GRIK4: variants seen among roughly 807,000 people sequenced by gnomAD.
GRIK4 encodes the protein glutamate ionotropic receptor kainate type subunit 4, also known as glutamate receptor ionotropic, kainate 4.
In GRIK4, 40 loss-of-function variants were observed where a neutral mutation model predicts 104.9. The ratio of observed to expected loss-of-function variants is 0.38; its 90% confidence interval spans 0.30 to 0.50. The LOEUF (loss-of-function observed/expected upper bound fraction) is 0.50. Ranked by LOEUF, GRIK4 falls within the 20% of genes least tolerant of loss-of-function variation. The pLI is 0.93. For synonymous variants in GRIK4, 485 were observed against 524.9 expected, an observed-to-expected ratio of 0.92 and a Z score of 1.04; for missense variants, 1,047 against 1,308.1, an observed-to-expected ratio of 0.80 and a Z score of 3.08.
rs1294622462 is a variant in GRIK4, at chr11:120,926,425, T to TA, written c.1477-13920dup. On this transcript the variant is annotated intron_variant, in intron 13 of 20. Transcript: ENST00000527524. ...ATTCCCTATGTTTCAGGCACTGTTC[T>TA]AAGTGCTTTTTGTGTATTCATTAAT... is the stretch of plus-strand genomic sequence containing the variant. Among the ~76,000 whole-genome samples, 11 of 152,218 alleles carry TA rather than the reference T, an allele frequency of 7.2e-5. No homozygotes were observed. In the East Asian group the frequency reaches 1.9e-3, roughly 27 times the overall value.
At chr11:120,659,975 A>G (rs938940216) in intron 2 of GRIK4, among the ~76,000 whole-genome samples, 3 of 152,050 alleles carry the variant, frequency 2.0e-5, no homozygotes, top group Non-Finnish European at 2.9e-5. Context: ...CAAGTGATCC[A>G]CCCACTTTGG....
chr11:120,907,397 C>T (rs1942892388), intron 13 of GRIK4, among the ~76,000 whole-genome samples: 1 of 152,164 alleles, frequency 6.6e-6, no homozygotes, highest in African/African-American at 2.4e-5. Flanking sequence ...GACTCATAGA[C>T]ATGCAGCCAC....
chr11:120,515,566 T>C (rs1947715662), intron 1 of GRIK4, among the ~76,000 whole-genome samples: 1 of 152,194 alleles, frequency 6.6e-6, no homozygotes, highest in Non-Finnish European at 1.5e-5. Context: ...TACCTGGTAT[T>C]GGTAATCGTC....
At chr11:120,975,993 T>C (rs532689679) in intron 19 of GRIK4, among the ~76,000 whole-genome samples, 2 of 152,228 alleles carry the variant, frequency 1.3e-5, no homozygotes, top group Non-Finnish European at 2.9e-5. Context: ...ACTTTGCTCA[T>C]AGTAAACACT....
intron 3 of GRIK4, among the ~76,000 whole-genome samples, chr11:120,747,148 G>A (rs996581538): frequency 2.0e-5 from 3 of 152,212 alleles, no homozygotes; most frequent in African/African-American, 7.2e-5. Flanking sequence ...GCCTTTCTCA[G>A]TATCAGCAGA....
At chr11:120,532,434 G>C (rs914234090) in intron 1 of GRIK4, among the ~76,000 whole-genome samples, 4 of 152,238 alleles carry the variant, frequency 2.6e-5, no homozygotes, top group Admixed American at 6.5e-5. Context: ...TCCTCTCAGA[G>C]GGGGAGAGGG....
At chr11:120,830,955 C>A (rs1359752372) in intron 6 of GRIK4, among the ~76,000 whole-genome samples, 1 of 143,244 alleles carries the variant, frequency 7.0e-6, no homozygotes, top group Non-Finnish European at 1.5e-5. Context: ...AGAATTAAGA[C>A]CCTCATGTCT....
chr11:120,949,135 A>C (rs1943938176), intron 14 of GRIK4, among the ~76,000 whole-genome samples: 1 of 152,226 alleles, frequency 6.6e-6, no homozygotes, highest in South Asian at 2.1e-4. Flanking sequence ...TGAAGTATCA[A>C]TGAGTCAACA....
At chr11:120,944,281 T>G (rs898185635) in intron 14 of GRIK4, among the ~76,000 whole-genome samples, 1 of 151,072 alleles carries the variant, frequency 6.6e-6, no homozygotes, top group Non-Finnish European at 1.5e-5. Flanking sequence ...TCTATTCTTA[T>G]TCTACCAACT....
chr11:120,791,303 T>C (rs901319553), intron 3 of GRIK4, among the ~76,000 whole-genome samples: 5 of 152,340 alleles, frequency 3.3e-5, no homozygotes, highest in African/African-American at 1.2e-4. Flanking sequence ...GCCATTCTAA[T>C]AGATGTGTAG....
At chr11:120,665,467 C>T (rs564267418) in intron 3 of GRIK4, among the ~76,000 whole-genome samples, 5 of 152,188 alleles carry the variant, frequency 3.3e-5, no homozygotes, top group Non-Finnish European at 7.3e-5. Flanking sequence ...ATAAATCTCT[C>T]CCCTGGTAAG....
At chr11:120,552,549 G>A (rs562521022) in intron 1 of GRIK4, among the ~76,000 whole-genome samples, 1 of 152,348 alleles carries the variant, frequency 6.6e-6, no homozygotes, top group African/African-American at 2.4e-5. Context: ...ACAGGATGCT[G>A]TTGAGGGCCT....
chr11:120,628,583 G>A (rs1949289561), intron 1 of GRIK4, among the ~76,000 whole-genome samples: 1 of 152,178 alleles, frequency 6.6e-6, no homozygotes, highest in Admixed American at 6.5e-5. Flanking sequence ...CCATGGAAAG[G>A]TTGATGGTCA....
chr11:120,973,412 G>A (rs1808030680), intron 19 of GRIK4, among the ~76,000 whole-genome samples: 1 of 152,166 alleles, frequency 6.6e-6, no homozygotes, highest in African/African-American at 2.4e-5. Flanking sequence ...CTGAACAGAT[G>A]AAAGGGAAAA....
At chr11:120,535,195 A>T (rs1250810580) in intron 1 of GRIK4, among the ~76,000 whole-genome samples, 7 of 151,444 alleles carry the variant, frequency 4.6e-5, no homozygotes, top group Admixed American at 1.3e-4. Context: ...AGGCTCCAGC[A>T]CACCCGGGAG....
chr11:120,815,922 G>C (rs2135535359), intron 5 of GRIK4, among the ~76,000 whole-genome samples: 1 of 152,290 alleles, frequency 6.6e-6, no homozygotes, highest in South Asian at 2.1e-4. Context: ...ACATTTTATT[G>C]CTAAAATAAA....
At chr11:120,733,830 C>T (rs970472344) in intron 3 of GRIK4, among the ~76,000 whole-genome samples, 7 of 151,674 alleles carry the variant, frequency 4.6e-5, no homozygotes, top group Admixed American at 2.0e-4. Flanking sequence ...CTCCACCTCC[C>T]GGGTTCAAAT....
chr11:120,649,559 C>G (rs921806487), intron 1 of GRIK4, among the ~76,000 whole-genome samples: 2 of 152,152 alleles, frequency 1.3e-5, no homozygotes, highest in African/African-American at 4.8e-5. Flanking sequence ...ACCTGGGAGT[C>G]CAGCATAGCC....
intron 1 of GRIK4, among the ~76,000 whole-genome samples, chr11:120,547,294 C>T (rs750661727): frequency 3.9e-5 from 6 of 152,188 alleles, no homozygotes; most frequent in Non-Finnish European, 7.3e-5. Flanking sequence ...ATTTTGAGCT[C>T]CCAAAGGCCA....
Sources: allele counts gnomAD v4.1 joint callset (sites outside exome capture counted in the v4.1 genomes callset), GRCh38; gene constraint gnomAD v4.1.1; transcripts MANE v1.5; gene names NCBI Gene and HGNC (gene_info 2026-07-23, HGNC 2026-07-21).